SEL1L2: variants seen among roughly 807,000 people sequenced by gnomAD.
SEL1L2 encodes the protein SEL1L2 adaptor subunit of SYVN1 ubiquitin ligase, also known as protein sel-1 homolog 2.
Under a neutral mutation model 98.8 loss-of-function variants are expected in SEL1L2, and 89 were observed. The observed-to-expected ratio is 0.90, with a 90% confidence interval of 0.76 to 1.07. The LOEUF is 1.07. SEL1L2 is among the 50% of genes least tolerant of loss of function. The probability of loss-of-function intolerance (pLI) is 0.00; values close to 1 mark genes in which losing one functional copy is unlikely to be tolerated. For missense variants in SEL1L2, 788 were observed against 812.0 expected, an observed-to-expected ratio of 0.97 and a Z score of 0.36; for synonymous variants, 262 against 278.5, an observed-to-expected ratio of 0.94 and a Z score of 0.59.
At chr20:13,864,724 A>G (rs539071563) in intron 17 of SEL1L2, among the ~76,000 whole-genome samples, 7 of 152,156 alleles carry the variant, frequency 4.6e-5, no homozygotes, top group Admixed American at 1.3e-4. Context: ...GTAGTCATCA[A>G]TGTGATATTT....
intron 11 of SEL1L2, among the ~76,000 whole-genome samples, chr20:13,877,186 C>T (rs1324089083): frequency 2.0e-5 from 3 of 152,168 alleles, no homozygotes; most frequent in African/African-American, 7.2e-5. Flanking sequence ...TATGGGGCTT[C>T]TTCCCAAACT....
At chr20:13,889,790 C>CA (rs904580989) in intron 5 of SEL1L2, among the ~76,000 whole-genome samples, 4 of 150,336 alleles carry the variant, frequency 2.7e-5, no homozygotes, top group Admixed American at 6.6e-5. Flanking sequence ...GACTCCGTCT[C>CA]AAAAAAAACA....
chr20:13,941,624 A>C (rs903446896), intron 2 of SEL1L2, among the ~76,000 whole-genome samples: 3 of 152,214 alleles, frequency 2.0e-5, no homozygotes, highest in Non-Finnish European at 4.4e-5. Flanking sequence ...ATAGGAGATT[A>C]CATTTACAGG....
At chr20:13,930,505 A>G (rs1450536032) in intron 3 of SEL1L2, among the ~76,000 whole-genome samples, 1 of 152,208 alleles carries the variant, frequency 6.6e-6, no homozygotes, top group African/African-American at 2.4e-5. Context: ...CTCTTCTCAG[A>G]TGACTCAATT....
upstream of SEL1L2, among the ~76,000 whole-genome samples, chr20:13,991,604 A>G (rs2052535481): frequency 6.6e-6 from 1 of 152,164 alleles, no homozygotes; most frequent in African/African-American, 2.4e-5. Flanking sequence ...TGCCTTCTGT[A>G]GTTTAATCTC....
intron 1 of SEL1L2, among the ~76,000 whole-genome samples, chr20:13,966,849 C>T (rs1320737597): frequency 6.7e-6 from 1 of 149,490 alleles, no homozygotes; most frequent in Non-Finnish European, 1.5e-5. Flanking sequence ...ATGTAAGTTC[C>T]TCTCTCTTTC....
intron 18 of SEL1L2, among the ~76,000 whole-genome samples, chr20:13,858,017 C>G (rs1239010759): frequency 6.6e-6 from 1 of 152,104 alleles, no homozygotes; most frequent in Non-Finnish European, 1.5e-5. Flanking sequence ...ACATGGGAAG[C>G]TTACACTGCT....
intron 3 of SEL1L2, among the ~76,000 whole-genome samples, chr20:13,926,285 A>C (rs1043668571): frequency 1.3e-5 from 2 of 152,162 alleles, no homozygotes; most frequent in Non-Finnish European, 2.9e-5. Flanking sequence ...ACTGCACTCC[A>C]GCCTGGGCGA....
At chr20:13,969,294 C>G (rs148845150) in intron 1 of SEL1L2, among the ~76,000 whole-genome samples, 4 of 152,286 alleles carry the variant, frequency 2.6e-5, no homozygotes, top group Middle Eastern at 3.4e-3. Context: ...CTTCCTTTCT[C>G]CAATATTCTG....
At chr20:13,872,277 C>T (rs938075339) in intron 12 of SEL1L2, among the ~76,000 whole-genome samples, 8 of 152,102 alleles carry the variant, frequency 5.3e-5, no homozygotes, top group Non-Finnish European at 1.2e-4. Context: ...ATTGTAGTTC[C>T]TATAATCCCC....
chr20:13,971,452 G>T (rs2051279593), intron 1 of SEL1L2, among the ~76,000 whole-genome samples: 1 of 152,034 alleles, frequency 6.6e-6, no homozygotes, highest in African/African-American at 2.4e-5. Flanking sequence ...TTGAGATGGG[G>T]TCTCACTCTG....
chr20:13,960,372 T>C (rs1344329412), intron 1 of SEL1L2, among the ~76,000 whole-genome samples: 1 of 152,012 alleles, frequency 6.6e-6, no homozygotes, highest in Non-Finnish European at 1.5e-5. Context: ...TCATCGAAAG[T>C]AGGATAAGTG....
chr20:13,881,206 G>A (rs2046686273), intron 10 of SEL1L2, among the ~76,000 whole-genome samples: 1 of 152,078 alleles, frequency 6.6e-6, no homozygotes, highest in South Asian at 2.1e-4. Context: ...TAGAGACGGG[G>A]TTTCACCATG....
intron 3 of SEL1L2, among the ~76,000 whole-genome samples, chr20:13,924,573 G>A (rs1422935105): frequency 6.6e-6 from 1 of 151,924 alleles, no homozygotes; most frequent in Non-Finnish European, 1.5e-5. Context: ...CTACTGGTAT[G>A]TGCCACCATG....
chr20:13,852,529 T>C (rs1988443599), intron 18 of SEL1L2, among the ~76,000 whole-genome samples: 1 of 152,170 alleles, frequency 6.6e-6, no homozygotes, highest in African/African-American at 2.4e-5. Context: ...CTCCTCCAGA[T>C]GGTGTTTTGA....
rs10713892 is a variant in SEL1L2, at chr20:13,982,508, CAA to C, written c.58+7967_58+7968del. Among the ~76,000 whole-genome samples the C allele has an allele frequency of 4.6e-3, 314 of 67,660 alleles. 1 individual carries two copies. The highest frequency in any genetic ancestry group is 0.026 in the Middle Eastern group (2 of 78). The allele number at this position is 67,660 out of a possible 152,430, so 44.4% of individuals were successfully genotyped here. On this transcript the variant is annotated intron_variant, in intron 1 of 19. Coordinates refer to ENST00000284951, the MANE Select transcript of SEL1L2 (RefSeq NM_025229.2). ...CCCAGGAGACAGAATGAGACTCTGC[CAA>C]AAAAAAAAAAAAAAAAAAGTATATT...
chr20:13,849,465 G>T lies in SEL1L2; in HGVS notation c.*20C>A. The T allele has an allele frequency of 6.2e-7, 1 of 1,612,878 alleles. No individual in the cohort carries two copies. Among genetic ancestry groups the T allele is most frequent in the South Asian group, 1.1e-5 (1 of 90,946 alleles). On this transcript the variant is annotated 3_prime_UTR_variant, in exon 20 of 20. Transcript: ENST00000284951. ...GGAGTGAACTGATTCCCGTGAGCAG[G>T]TTTTCCTGTGATCCGCATCCTACCC...
intron 2 of SEL1L2, among the ~76,000 whole-genome samples, chr20:13,932,939 G>A (rs992368966): frequency 3.3e-5 from 5 of 152,080 alleles, no homozygotes; most frequent in Non-Finnish European, 5.9e-5. Flanking sequence ...TAGGCTAGGC[G>A]GGGTGGCTTA....
chr20:13,850,355 T>C (rs374088645), intron 18 of SEL1L2, 36 bp from the exon 19 acceptor site: 95 of 1,610,568 alleles, frequency 5.9e-5, no homozygotes, highest in Non-Finnish European at 7.6e-5. Context: ...CATCAGATTC[T>C]GTAGGGGTAA....
Sources: allele counts gnomAD v4.1 joint callset (sites outside exome capture counted in the v4.1 genomes callset), GRCh38; gene constraint gnomAD v4.1.1; transcripts MANE v1.5; gene names NCBI Gene and HGNC (gene_info 2026-07-23, HGNC 2026-07-21).